TPPP3: variants seen among roughly 807,000 people sequenced by gnomAD.
TPPP3 encodes tubulin polymerization promoting protein family member 3, also known as tubulin polymerization-promoting protein family member 3.
In TPPP3, 7 loss-of-function variants were observed where a neutral mutation model predicts 13.1. The ratio of observed to expected loss-of-function variants is 0.54; its 90% CI spans 0.30 to 1.01. The LOEUF is 1.01. Ranked by LOEUF, TPPP3 falls within the 50% of genes least tolerant of loss-of-function variation. The probability of loss-of-function intolerance (pLI) is 0.06; values close to 1 mark genes in which losing one functional copy is unlikely to be tolerated. For missense variants in TPPP3, 185 were observed against 235.0 expected (o/e 0.79, Z 1.39); for synonymous variants, 87 against 93.7 (o/e 0.93, Z 0.41).
rs1462403482 is a variant in TPPP3 at position 67,389,989 on chromosome 16, G to A, written c.*185C>T. The A allele has an allele frequency of 1.1e-5, 7 of 612,148 alleles. No homozygotes were observed. In the East Asian group the frequency reaches 1.9e-4, roughly 17 times the overall value. 37.9% of individuals were successfully genotyped at this position (612,148 alleles called of 1,614,324 possible). ...GAAGTTGGAGCAGGAAGAGGAGGAG[G>A]AAGGGGCCGCAGAGCAGCCTGGGTC... On this transcript the variant is annotated 3_prime_UTR_variant, in exon 4 of 4. Coordinates refer to ENST00000393957, the MANE Select transcript of TPPP3 (RefSeq NM_015964.4).
rs555417164 is a variant in TPPP3, at chr16:67,392,859, G to C, written c.-7+521C>G. 2 of 578,432 alleles carry C rather than the reference G, an allele frequency of 3.5e-6. No homozygotes were observed. Among genetic ancestry groups the C allele is most frequent in the African/African-American group, 4.1e-5 (2 of 49,234 alleles). The allele number at this position is 578,432 out of a possible 1,614,324, so 35.8% of individuals were successfully genotyped here. A position where few individuals can be genotyped will look rare whatever the true frequency, so the allele number is the denominator to read the frequency against. ...GACTGTGAGCACCGGTGGTTCCTACGTTACAGGGACCATAACCCCAGTCCA... is the reference window on the plus strand; with the variant it reads ...GACTGTGAGCACCGGTGGTTCCTACCTTACAGGGACCATAACCCCAGTCCA... On this transcript the variant is annotated intron_variant, in intron 1 of 3. Coordinates refer to ENST00000393957, the MANE Select transcript of TPPP3 (RefSeq NM_015964.4). This position sits in a 1 kb window ranked among gnomAD's most constrained non-coding sequence, Gnocchi z 4.9.
In TPPP3 at chr16:67,391,195, C is replaced by T; in HGVS notation, c.-6-78G>A. 6.9e-7 allele frequency: 1 copy of T among 1,445,064 alleles called. No homozygotes were observed. Among genetic ancestry groups the T allele is most frequent in the Non-Finnish European group, 9.5e-7 (1 of 1,054,144 alleles). The allele number at this position is 1,445,064 out of a possible 1,614,324, so 89.5% of individuals were successfully genotyped here. A position where few individuals can be genotyped will look rare whatever the true frequency, so the allele number is the denominator to read the frequency against. On this transcript the variant is annotated intron_variant, in intron 1 of 3. Transcript: ENST00000393957. The surrounding 1 kb of genome is among the most constrained non-coding windows in gnomAD (Gnocchi z 6.3). ...CAAGCCCAGAACATCCCAGCCTCTA[C>T]CTCAAACCTGCAAGACCTGGGCAGG...
rs59613780 is a variant in TPPP3, at chr16:67,392,319, C to A, written c.-7+1061G>T. Among the ~76,000 whole-genome samples, 665 of 152,132 alleles carry A rather than the reference C, an allele frequency of 4.4e-3. 5 individuals are homozygous for A. Among genetic ancestry groups the A allele is most frequent in the African/African-American group, 0.015 (636 of 41,472 alleles). On this transcript the variant is annotated intron_variant, in intron 1 of 3. Transcript: ENST00000393957. The surrounding 1 kb of genome is among the most constrained non-coding windows in gnomAD (Gnocchi z 4.9). ...TCCAGCACTAAAGTGCCCCCCACAC[C>A]CACAGCCCTCCGCTGCAGACCCCTG...
chr16:67,390,220 C>CCTGCAT lies in TPPP3; in HGVS notation c.484_485insATGCAG (p.Ser162delinsAsnAlaGly). The CCTGCAT allele has an allele frequency of 1.2e-6, 2 of 1,614,118 alleles. No homozygotes were observed. Among genetic ancestry groups the CCTGCAT allele is most frequent in the Admixed American group, 3.3e-5 (2 of 60,010 alleles). ...GTAGGTGCCTGCATTCTTGTAGGCG[C>CCTGCAT]TCACGTAGCCACTGTCGTCCAGGAT... On this transcript the variant is annotated protein_altering_variant, in exon 4 of 4. Coordinates refer to ENST00000393957, the MANE Select transcript of TPPP3 (RefSeq NM_015964.4). This position sits in a 1 kb window ranked among gnomAD's most constrained non-coding sequence, Gnocchi z 6.4.
At position 67,390,705 on chromosome 16, in the gene TPPP3, G is replaced by T. The variant is rs2040316940; in HGVS notation, c.189-73C>A. On this transcript the variant is annotated intron_variant, in intron 2 of 3. Coordinates refer to ENST00000393957, the MANE Select transcript of TPPP3 (RefSeq NM_015964.4). The surrounding 1 kb of genome is among the most constrained non-coding windows in gnomAD (Gnocchi z 6.4). ...CCCAGGGGAAAGCTCAAACACATTT[G>T]CTGCCACCACAAATTATGCAATTGC... The T allele has an allele frequency of 1.3e-6, 2 of 1,542,502 alleles. No homozygotes were observed. The highest frequency in any genetic ancestry group is 1.7e-6 in the Non-Finnish European group (2 of 1,150,896).
At position 67,392,608 on chromosome 16, in the gene TPPP3, C is replaced by G. The variant is rs2142212118; in HGVS notation, c.-7+772G>C. Among the ~76,000 whole-genome samples the G allele has an allele frequency of 6.6e-6, 1 of 152,238 alleles. No homozygotes were observed. The highest frequency in any genetic ancestry group is 2.1e-4 in the South Asian group (1 of 4,826). ...ATCCACACACTAACATTATAAGACT[C>G]CCAGGTACTATGCGGAGATCCCCTG... is the stretch of plus-strand genomic sequence containing the variant. On this transcript the variant is annotated intron_variant, in intron 1 of 3. Coordinates refer to ENST00000393957, the MANE Select transcript of TPPP3 (RefSeq NM_015964.4). The surrounding 1 kb of genome is among the most constrained non-coding windows in gnomAD (Gnocchi z 4.9).
rs550598018 is a variant in TPPP3 at position 67,390,921 on chromosome 16, C to T, written c.188+3G>A. ...TGAGAAGCAGGGGCTGCTTAGGGCT[C>T]ACTTGACTTTGGAGAAGACGATGTC... On this transcript the variant is annotated splice_donor_region_variant and intron_variant, in intron 2 of 3. Transcript: ENST00000393957. The surrounding 1 kb of genome is among the most constrained non-coding windows in gnomAD (Gnocchi z 6.4). 129 of 1,613,442 alleles carry T rather than the reference C, an allele frequency of 8.0e-5. No individual in the cohort carries two copies. Among genetic ancestry groups the T allele is most frequent in the Non-Finnish European group, 1.1e-4 (128 of 1,179,566 alleles).
At position 67,391,244 on chromosome 16, in the gene TPPP3, A is replaced by G; in HGVS notation, c.-6-127T>C. Reference sequence around the variant, plus strand: ...GGTTCTGCTACAGAGTTGGTGCTGGAGCTGCCTGGGGAGAGGGGCCCGTCA... The same window carrying G: ...GGTTCTGCTACAGAGTTGGTGCTGGGGCTGCCTGGGGAGAGGGGCCCGTCA... On this transcript the variant is annotated intron_variant, in intron 1 of 3. Coordinates refer to ENST00000393957, the MANE Select transcript of TPPP3 (RefSeq NM_015964.4). This position sits in a 1 kb window ranked among gnomAD's most constrained non-coding sequence, Gnocchi z 6.3. 9.9e-7 allele frequency: 1 copy of G among 1,009,808 alleles called. No individual in the cohort carries two copies. The highest frequency in any genetic ancestry group is 1.4e-6 in the Non-Finnish European group (1 of 698,348). 62.6% of individuals were successfully genotyped at this position (1,009,808 alleles called of 1,614,324 possible). A position where few individuals can be genotyped will look rare whatever the true frequency, so the allele number is the denominator to read the frequency against.
chr16:67,391,282 G>T lies in TPPP3; in HGVS notation c.-6-165C>A. On this transcript the variant is annotated intron_variant, in intron 1 of 3. Transcript: ENST00000393957. This position sits in a 1 kb window ranked among gnomAD's most constrained non-coding sequence, Gnocchi z 6.3. ...GAGGGGCCCGTCACTGTCGCCCTGG[G>T]CCACAGAGCCCCAAGGAAGAGCCCC... 1 of 689,738 alleles carries T rather than the reference G, an allele frequency of 1.4e-6. No homozygotes were observed. Among genetic ancestry groups the T allele is most frequent in the Non-Finnish European group, 2.4e-6 (1 of 418,336 alleles). The allele number at this position is 689,738 out of a possible 1,614,324, so 42.7% of individuals were successfully genotyped here.
In TPPP3 at chr16:67,391,422, G is replaced by A. The variant is rs1411075008; in HGVS notation, c.-6-305C>T. ...ACTGTCCAGAAAGACTGTTAGGGCA[G>A]CAGCTGGGGCCCTGGCTTTGTCTGG... On this transcript the variant is annotated intron_variant, in intron 1 of 3. Transcript: ENST00000393957. The surrounding 1 kb of genome is among the most constrained non-coding windows in gnomAD (Gnocchi z 6.3). 1 of 277,508 alleles carries A rather than the reference G, an allele frequency of 3.6e-6. No homozygotes were observed. Among genetic ancestry groups the A allele is most frequent in the Non-Finnish European group, 6.8e-6 (1 of 147,460 alleles). 17.2% of individuals were successfully genotyped at this position (277,508 alleles called of 1,614,324 possible). A position where few individuals can be genotyped will look rare whatever the true frequency, so the allele number is the denominator to read the frequency against.
chr16:67,390,852 T>G lies in TPPP3; in HGVS notation c.188+72A>C. ...GTGTTTCCCTGACCCCTTCTTGATG[T>G]CCTCCCTGGTTCCAGCCCCCCAGTT... On this transcript the variant is annotated intron_variant, in intron 2 of 3. Transcript: ENST00000393957. The surrounding 1 kb of genome is among the most constrained non-coding windows in gnomAD (Gnocchi z 6.4). 6.5e-7 allele frequency: 1 copy of G among 1,527,254 alleles called. No individual in the cohort carries two copies. Among genetic ancestry groups the G allele is most frequent in the Non-Finnish European group, 8.9e-7 (1 of 1,125,396 alleles). 94.6% of individuals were successfully genotyped at this position (1,527,254 alleles called of 1,614,324 possible).
chr16:67,390,823 C>A lies in TPPP3; in HGVS notation c.188+101G>T. The A allele has an allele frequency of 7.0e-7, 1 of 1,434,246 alleles. No homozygotes were observed. The highest frequency in any genetic ancestry group is 9.4e-7 in the Non-Finnish European group (1 of 1,065,168). 88.8% of individuals were successfully genotyped at this position (1,434,246 alleles called of 1,614,324 possible). A position where few individuals can be genotyped will look rare whatever the true frequency, so the allele number is the denominator to read the frequency against. On this transcript the variant is annotated intron_variant, in intron 2 of 3. Coordinates refer to ENST00000393957, the MANE Select transcript of TPPP3 (RefSeq NM_015964.4). The surrounding 1 kb of genome is among the most constrained non-coding windows in gnomAD (Gnocchi z 6.4). ...GCCCTGGAAGAACGACCTTCGTGAT[C>A]ATGGTGTTTCCCTGACCCCTTCTTG...
Position 67,391,178 on chromosome 16 carries a change from G to A in TPPP3, c.-6-61C>T. 7 of 1,533,744 alleles carry A rather than the reference G, an allele frequency of 4.6e-6. No individual in the cohort carries two copies. Among genetic ancestry groups the A allele is most frequent in the Non-Finnish European group, 6.2e-6 (7 of 1,121,386 alleles). ...CTGCCCTTCCCCTCCCCCAAGCCCA[G>A]AACATCCCAGCCTCTACCTCAAACC... On this transcript the variant is annotated intron_variant, in intron 1 of 3. Transcript: ENST00000393957. This position sits in a 1 kb window ranked among gnomAD's most constrained non-coding sequence, Gnocchi z 6.3.
At position 67,390,710 on chromosome 16, in the gene TPPP3, C is replaced by G; in HGVS notation, c.189-78G>C. ...GGGAAAGCTCAAACACATTTGCTGC[C>G]ACCACAAATTATGCAATTGCGTTTC... On this transcript the variant is annotated intron_variant, in intron 2 of 3. Coordinates refer to ENST00000393957, the MANE Select transcript of TPPP3 (RefSeq NM_015964.4). The surrounding 1 kb of genome is among the most constrained non-coding windows in gnomAD (Gnocchi z 6.4). 6.5e-7 allele frequency: 1 copy of G among 1,536,772 alleles called. No individual in the cohort carries two copies. Among genetic ancestry groups the G allele is most frequent in the Non-Finnish European group, 8.7e-7 (1 of 1,147,912 alleles).
rs778934719 is a variant in TPPP3, at chr16:67,390,213, G to A, written c.492C>T (p.Tyr164=). Residue 164 remains tyrosine, a synonymous_variant, in exon 4 of 4, where the codon TAC becomes TAT. Coordinates refer to ENST00000393957, the MANE Select transcript of TPPP3 (RefSeq NM_015964.4). This position sits in a 1 kb window ranked among gnomAD's most constrained non-coding sequence, Gnocchi z 6.4. The stretch of plus-strand genomic sequence containing the variant: ...TGGCATCGTAGGTGCCTGCATTCTT[G>A]TAGGCGCTCACGTAGCCACTGTCGT... ...ILDDSGYVSA[Y]KNAGTYDAKV... 1.2e-6 allele frequency: 2 copies of A among 1,614,220 alleles called. No homozygotes were observed. Among genetic ancestry groups the A allele is most frequent in the Non-Finnish European group, 1.7e-6 (2 of 1,180,036 alleles).
rs746470102 is a variant in TPPP3 at position 67,390,414 on chromosome 16, C to T, written c.343-52G>A. 317 of 1,606,478 alleles carry T rather than the reference C, an allele frequency of 2.0e-4. No homozygotes were observed. Among genetic ancestry groups the T allele is most frequent in the Admixed American group, 3.3e-4 (20 of 59,802 alleles). On this transcript the variant is annotated intron_variant, in intron 3 of 3. Transcript: ENST00000393957. The surrounding 1 kb of genome is among the most constrained non-coding windows in gnomAD (Gnocchi z 6.4). ...CACCTGATGAGGGAGCCCAGCCCTT[C>T]CCACCCACAGCCACGATTCCCCACA...
Position 67,390,323 on chromosome 16 carries a change from T to C in TPPP3, c.382A>G (p.Thr128Ala), listed in dbSNP as rs772938818. ...TTGTGGGAGCCCGTGTATCTGCTGG[T>C]GTCCGTCAGCCGGTCTACAGCACCC... ...TGGAVDRLTD[T>A]SRYTGSHKER... The change falls in exon 4 of 4, where the codon ACC (threonine) becomes GCC (alanine). Residue 128 changes from threonine (T) to alanine (A), a missense_variant. Coordinates refer to ENST00000393957, the MANE Select transcript of TPPP3 (RefSeq NM_015964.4). This position sits in a 1 kb window ranked among gnomAD's most constrained non-coding sequence, Gnocchi z 6.4. 6.2e-7 allele frequency: 1 copy of C among 1,614,082 alleles called. No individual in the cohort carries two copies. Among genetic ancestry groups the C allele is most frequent in the African/African-American group, 1.3e-5 (1 of 74,938 alleles).
In TPPP3 at chr16:67,393,146, G is replaced by A; in HGVS notation, c.-7+234C>T. 3 of 682,788 alleles carry A rather than the reference G, an allele frequency of 4.4e-6. No individual in the cohort carries two copies. The highest frequency in any genetic ancestry group is 5.4e-6 in the Non-Finnish European group (3 of 553,456). 42.3% of individuals were successfully genotyped at this position (682,788 alleles called of 1,614,324 possible). ...GGCCATGGATGGAGTGGCCACACCCGTGAACTGGAGCCACCCGTCCCGCTC... is the reference window on the plus strand; with the variant it reads ...GGCCATGGATGGAGTGGCCACACCCATGAACTGGAGCCACCCGTCCCGCTC... On this transcript the variant is annotated intron_variant, in intron 1 of 3. Coordinates refer to ENST00000393957, the MANE Select transcript of TPPP3 (RefSeq NM_015964.4). The surrounding 1 kb of genome is among the most constrained non-coding windows in gnomAD (Gnocchi z 5.4).
At position 67,390,508 on chromosome 16, in the gene TPPP3, C is replaced by T. The variant is rs1480822679; in HGVS notation, c.313G>A (p.Gly105Ser). 4 of 1,613,876 alleles carry T rather than the reference C, an allele frequency of 2.5e-6. No homozygotes were observed. The highest frequency in any genetic ancestry group is 3.4e-6 in the Non-Finnish European group (4 of 1,180,000). ...AFDAICQLVA[G>S]KEPANVGVTK... ...ACGCCCACATTGGCTGGCTCTTTGC[C>T]TGCCACCAGCTGGCAGATGGCATCG... is the stretch of plus-strand genomic sequence containing the variant. Residue 105 changes from glycine (G) to serine (S), a missense_variant, in exon 3 of 4, where the codon GGC becomes AGC. Transcript: ENST00000393957. The surrounding 1 kb of genome is among the most constrained non-coding windows in gnomAD (Gnocchi z 6.4).
Sources: gnomAD v4.1 joint callset for allele counts (sites outside exome capture counted in the v4.1 genomes callset) on GRCh38, gnomAD v4.1.1 for gene constraint, Gnocchi (gnomAD v3.1) non-coding constraint, MANE v1.5 for transcripts, NCBI Gene and HGNC (gene_info 2026-07-23, HGNC 2026-07-21) for gene names.